The following CXCL13 variants were observed in gnomAD, a reference collection of about 807,000 sequenced individuals.
CXCL13 encodes C-X-C motif chemokine ligand 13.
In CXCL13, 7 loss-of-function variants were observed where a neutral mutation model predicts 12.2. The observed-to-expected ratio is 0.57, with a 90% confidence interval of 0.33 to 1.07. The LOEUF (loss-of-function observed/expected upper bound fraction) is 1.07. Ranked by LOEUF, CXCL13 falls within the 50% of genes least tolerant of loss-of-function variation. CXCL13 has a pLI of 0.04. For synonymous variants in CXCL13, 47 were observed against 42.4 expected (o/e 1.11, Z -0.42); for missense variants, 113 against 127.4 (o/e 0.89, Z 0.55).
intron 1 of CXCL13, among the ~76,000 whole-genome samples, chr4:77,548,412 G>A (rs1001905235): frequency 6.6e-6 from 1 of 152,168 alleles, no homozygotes; most frequent in Non-Finnish European, 1.5e-5. Flanking sequence ...TCACAAAATG[G>A]GACATCTATG....
chr4:77,563,719 A>C (rs752200501), intron 1 of CXCL13, among the ~76,000 whole-genome samples: 2 of 152,224 alleles, frequency 1.3e-5, no homozygotes, highest in Non-Finnish European at 2.9e-5. Context: ...GAAGAATTAC[A>C]GGGGAATATA....
At chr4:77,607,646 C>T (rs896730514) in intron 1 of CXCL13, 57 bp from the exon 2 acceptor site, 198 of 1,520,152 alleles carry the variant, frequency 1.3e-4, no homozygotes, top group Non-Finnish European at 1.7e-4. Flanking sequence ...TAATTAAATT[C>T]TAGTTATGAA....
At chr4:77,603,851 C>T (rs72861972), upstream of CXCL13, among the ~76,000 whole-genome samples, 4,557 of 152,204 alleles carry the variant, frequency 0.03, 184 homozygotes, top group African/African-American at 0.095. Context: ...AGTATTTGGC[C>T]GAACCCTCTA....
rs185312635 is a variant in CXCL13 at position 77,541,478 on chromosome 4, A to C, written c.-43+29690A>C. On this transcript the variant is annotated intron_variant, in intron 1 of 4. Coordinates refer to the CXCL13 transcript ENST00000286758. ...ATTTATTGAATAGGAAGTCCTTTCCACATTGCTTATTTTTGTCGACTTTGT... is the reference window on the plus strand; with the variant it reads ...ATTTATTGAATAGGAAGTCCTTTCCCCATTGCTTATTTTTGTCGACTTTGT... Among the ~76,000 whole-genome samples, 325 of 152,222 alleles carry C rather than the reference A, an allele frequency of 2.1e-3. 2 individuals carry two copies. Among genetic ancestry groups the C allele is most frequent in the African/African-American group, 7.5e-3 (313 of 41,570 alleles).
At chr4:77,515,561 T>G (rs1037639946) in intron 1 of CXCL13, among the ~76,000 whole-genome samples, 7 of 152,198 alleles carry the variant, frequency 4.6e-5, no homozygotes, top group Non-Finnish European at 8.8e-5. Context: ...TTTATTCTCT[T>G]TGAAGCAATT....
At chr4:77,543,607 G>A (rs562105757) in intron 1 of CXCL13, among the ~76,000 whole-genome samples, 8 of 151,848 alleles carry the variant, frequency 5.3e-5, no homozygotes, top group African/African-American at 1.7e-4. Flanking sequence ...TACTTTTGTT[G>A]TTTACCCAAA....
Position 77,515,617 on chromosome 4 carries a change from T to C in CXCL13, c.-43+3829T>C, listed in dbSNP as rs578132199. Among the ~76,000 whole-genome samples the C allele has an allele frequency of 1.0e-3, 156 of 152,308 alleles. 1 individual carries two copies. The highest frequency in any genetic ancestry group is 3.6e-3 in the African/African-American group (149 of 41,572). ...GATTTGGCTCTCTGTTTGTCTGTTA[T>C]TGGTGTATAAGAATGCTTGTGATTT... On this transcript the variant is annotated intron_variant, in intron 1 of 4. Transcript: ENST00000286758.
At chr4:77,590,530 T>C (rs1230104060) in intron 1 of CXCL13, among the ~76,000 whole-genome samples, 3 of 152,232 alleles carry the variant, frequency 2.0e-5, no homozygotes, top group African/African-American at 7.2e-5. Flanking sequence ...ATATGAATCA[T>C]AAACTTACCT....
intron 1 of CXCL13, among the ~76,000 whole-genome samples, chr4:77,534,401 C>T (rs368464983): frequency 6.6e-6 from 1 of 152,068 alleles, no homozygotes; most frequent in African/African-American, 2.4e-5. Context: ...GAAATACTAC[C>T]CAGAAATAAA....
chr4:77,523,545 T>C (rs1232145960), intron 1 of CXCL13, among the ~76,000 whole-genome samples: 1 of 152,214 alleles, frequency 6.6e-6, no homozygotes, highest in Non-Finnish European at 1.5e-5. Flanking sequence ...TCTCGTGCCA[T>C]GGTTTTCAGC....
chr4:77,542,325 G>T (rs906497350), intron 1 of CXCL13, among the ~76,000 whole-genome samples: 2 of 152,204 alleles, frequency 1.3e-5, no homozygotes, highest in Middle Eastern at 6.8e-3. Context: ...TGCTTTTTCA[G>T]TATAATGTTG....
intron 1 of CXCL13, among the ~76,000 whole-genome samples, chr4:77,560,311 A>G (rs1725775814): frequency 1.3e-5 from 2 of 152,174 alleles, no homozygotes; most frequent in African/African-American, 4.8e-5. Flanking sequence ...TGGAACCCAG[A>G]TCTGACTCCA....
At chr4:77,562,238 C>A (rs1177358030) in intron 1 of CXCL13, among the ~76,000 whole-genome samples, 1 of 146,974 alleles carries the variant, frequency 6.8e-6, no homozygotes, top group Non-Finnish European at 1.5e-5. Flanking sequence ...CCACCATGGG[C>A]TCCTGCGAGG....
At chr4:77,520,643 C>T (rs1234370225) in intron 1 of CXCL13, among the ~76,000 whole-genome samples, 2 of 152,188 alleles carry the variant, frequency 1.3e-5, no homozygotes, top group African/African-American at 4.8e-5. Flanking sequence ...TCTAAATATA[C>T]AATCATATCA....
At chr4:77,533,713 C>T (rs1417073861) in intron 1 of CXCL13, among the ~76,000 whole-genome samples, 1 of 152,140 alleles carries the variant, frequency 6.6e-6, no homozygotes, top group Non-Finnish European at 1.5e-5. Flanking sequence ...CTTTGTTTAC[C>T]TACTCAAGCC....
intron 1 of CXCL13, among the ~76,000 whole-genome samples, chr4:77,544,527 G>C (rs1250671366): frequency 1.3e-5 from 2 of 152,160 alleles, no homozygotes; most frequent in African/African-American, 4.8e-5. Flanking sequence ...TGTGTCTGTA[G>C]GCTGCATAAA....
chr4:77,562,965 A>C (rs3098852), intron 1 of CXCL13, among the ~76,000 whole-genome samples: 50,200 of 151,824 alleles, frequency 0.33, 10,419 homozygotes, highest in African/African-American at 0.59. Context: ...GGCAACCCCC[A>C]TGGGTCCCCT....
chr4:77,553,015 G>A (rs570113684), intron 1 of CXCL13, among the ~76,000 whole-genome samples: 41 of 152,204 alleles, frequency 2.7e-4, no homozygotes, highest in Non-Finnish European at 4.8e-4. Flanking sequence ...CCAGGCAAGG[G>A]GATGGTACTC....
chr4:77,547,746 T>A (rs551999290), intron 1 of CXCL13, among the ~76,000 whole-genome samples: 2 of 152,274 alleles, frequency 1.3e-5, no homozygotes, highest in South Asian at 4.1e-4. Context: ...AAGATTAATA[T>A]TATTATGTGT....
Sources: gnomAD v4.1 joint callset for allele counts (sites outside exome capture counted in the v4.1 genomes callset) on GRCh38, gnomAD v4.1.1 for gene constraint, MANE v1.5 for transcripts, NCBI Gene and HGNC (gene_info 2026-07-23, HGNC 2026-07-21) for gene names.